Variants in SEPTIN14 observed in about 807,000 individuals in gnomAD.
The protein encoded by SEPTIN14 is septin 14, also known as septin-14.
Under a neutral mutation model 53.6 loss-of-function variants are expected in SEPTIN14, and 40 were observed. That is an observed-to-expected ratio of 0.75 (90% CI 0.58 to 0.97). The LOEUF (loss-of-function observed/expected upper bound fraction) is 0.97. Ranked by LOEUF, SEPTIN14 falls within the 50% of genes least tolerant of loss-of-function variation. The pLI is 0.00. For synonymous variants in SEPTIN14, 138 were observed against 166.8 expected (o/e 0.83, Z 1.33); for missense variants, 471 against 508.2 (o/e 0.93, Z 0.70).
chr7:55,855,903 A>G (rs922194959), intron 2 of SEPTIN14, among the ~76,000 whole-genome samples: 12 of 151,910 alleles, frequency 7.9e-5, no homozygotes, highest in African/African-American at 2.7e-4. Flanking sequence ...ATTTGTCCTT[A>G]TTTGGAAATC....
At chr7:55,798,510 C>T (rs73130796) in intron 9 of SEPTIN14, 66,976 of 305,282 alleles carry the variant, frequency 0.22, 8,126 homozygotes, top group Non-Finnish European at 0.25. Context: ...CCTCTACCAC[C>T]CAAATGATGT....
intron 6 of SEPTIN14, among the ~76,000 whole-genome samples, chr7:55,823,957 C>A (rs1011597836): frequency 6.6e-6 from 1 of 150,792 alleles, no homozygotes; most frequent in African/African-American, 2.4e-5. Context: ...GTGGTGCAAT[C>A]CTGGCTCACT....
At position 55,854,651 on chromosome 7, in the gene SEPTIN14, A is replaced by G. The variant is rs543824419; in HGVS notation, c.54+7292T>C. 1.3e-4 allele frequency among the ~76,000 whole-genome samples: 20 copies of G among 152,150 alleles called. No homozygotes were observed. In the South Asian group the frequency reaches 3.3e-3, roughly 25 times the overall value. On this transcript the variant is annotated intron_variant, in intron 2 of 9. Transcript: ENST00000388975. ...CACCATGTTAGCCAGGATGGTCTCA[A>G]TCTCCTGACCTTGTGATCCGCCCAC... is the stretch of plus-strand genomic sequence containing the variant.
intron 6 of SEPTIN14, among the ~76,000 whole-genome samples, chr7:55,826,742 A>G (rs902429096): frequency 1.3e-5 from 2 of 151,446 alleles, no homozygotes; most frequent in Non-Finnish European, 2.9e-5. Flanking sequence ...GGTTGCAGTG[A>G]GCCGAGGCCA....
chr7:55,817,768 C>A lies in SEPTIN14; in HGVS notation c.817+1359G>T, dbSNP rs538677255. Among the ~76,000 whole-genome samples the A allele has an allele frequency of 1.2e-3, 189 of 152,128 alleles. 1 individual carries two copies. Among genetic ancestry groups the A allele is most frequent in the African/African-American group, 4.3e-3 (179 of 41,530 alleles). ...TACAGGCGTGAGCCACTGCGCCCGG[C>A]CAATATTTTATATTCTTGAAAATTG... On this transcript the variant is annotated intron_variant, in intron 7 of 9. Transcript: ENST00000388975.
intron 2 of SEPTIN14, among the ~76,000 whole-genome samples, chr7:55,854,729 G>A (rs1283253763): frequency 1.3e-5 from 2 of 152,098 alleles, no homozygotes; most frequent in Non-Finnish European, 2.9e-5. Flanking sequence ...CACCCGGCCT[G>A]TACTGGAGGT....
chr7:55,830,349 A>ATTT lies in SEPTIN14; in HGVS notation c.720+4073_720+4075dup, dbSNP rs1216458496. On this transcript the variant is annotated intron_variant, in intron 6 of 9. Coordinates refer to ENST00000388975, the MANE Select transcript of SEPTIN14 (RefSeq NM_207366.3). ...TATATATATATATATATATATATAT[A>ATTT]TTTTTTTTTTTTTTTGAGACGGAGT... Among the ~76,000 whole-genome samples, 156 of 56,812 alleles carry ATTT rather than the reference A, an allele frequency of 2.7e-3. 7 individuals are homozygous for ATTT. The highest frequency in any genetic ancestry group is 0.011 in the South Asian group (16 of 1,434). The allele number at this position is 56,812 out of a possible 152,430, so 37.3% of individuals were successfully genotyped here.
Position 55,796,324 on chromosome 7 carries a change from C to T in SEPTIN14, c.1120-232G>A, listed in dbSNP as rs1054801555. Among the ~76,000 whole-genome samples the T allele has an allele frequency of 3.3e-5, 5 of 151,962 alleles. No individual in the cohort carries two copies. The South Asian group carries it at 6.2e-4, about 19-fold the overall frequency. ...TGCTGCCCAGGCTGGAGTGCAGTGG[C>T]GCGATCTCAGCTCACTGCAACCTCC... On this transcript the variant is annotated intron_variant, in intron 9 of 9. Transcript: ENST00000388975.
chr7:55,811,493 G>GTTT, intron 7 of SEPTIN14: 3 of 237,178 alleles, frequency 1.3e-5, no homozygotes, highest in East Asian at 1.3e-4. Context: ...AAGTTTTACA[G>GTTT]TTCTTTTTTT....
chr7:55,816,642 C>CA (rs763100495), intron 7 of SEPTIN14, among the ~76,000 whole-genome samples: 1,665 of 119,484 alleles, frequency 0.014, 16 homozygotes, highest in African/African-American at 0.031. Flanking sequence ...ACTAAAAATA[C>CA]AAAAAAAAAA....
chr7:55,827,394 C>T (rs1222073354), intron 6 of SEPTIN14, among the ~76,000 whole-genome samples: 3 of 152,156 alleles, frequency 2.0e-5, no homozygotes, highest in Non-Finnish European at 4.4e-5. Context: ...TTCAATGGCT[C>T]TTGGCTACGT....
intron 9 of SEPTIN14, among the ~76,000 whole-genome samples, chr7:55,803,051 C>T (rs747329238): frequency 3.3e-5 from 5 of 151,890 alleles, no homozygotes; most frequent in Admixed American, 6.6e-5. Context: ...GATTCTCCTA[C>T]CTCAGCCTCC....
chr7:55,815,101 A>G (rs1235809479), intron 7 of SEPTIN14, among the ~76,000 whole-genome samples: 1 of 152,218 alleles, frequency 6.6e-6, no homozygotes, highest in Non-Finnish European at 1.5e-5. Context: ...TGCAGAAGAA[A>G]GAAACTAGAC....
chr7:55,811,601 A>T lies in SEPTIN14; in HGVS notation c.818-4343T>A, dbSNP rs182967853. ...ACTGCAACCTCCGCCTCCCAGGTTCAAGTGATTCTCCTGCCTCAGCCCCCC... is the reference window on the plus strand; with the variant it reads ...ACTGCAACCTCCGCCTCCCAGGTTCTAGTGATTCTCCTGCCTCAGCCCCCC... On this transcript the variant is annotated intron_variant, in intron 7 of 9. Coordinates refer to ENST00000388975, the MANE Select transcript of SEPTIN14 (RefSeq NM_207366.3). Among the ~76,000 whole-genome samples the T allele has an allele frequency of 2.2e-4, 32 of 145,726 alleles. No homozygotes were observed. In the East Asian group the frequency reaches 6.5e-3, roughly 30 times the overall value.
In SEPTIN14 at chr7:55,858,559, C is replaced by T. The variant is rs1051628043; in HGVS notation, c.54+3384G>A. On this transcript the variant is annotated intron_variant, in intron 2 of 9. Transcript: ENST00000388975. The stretch of plus-strand genomic sequence containing the variant: ...GTGGCTCATGCCTGTAATCCCAGCA[C>T]TTTGGGAGGCAGAGGCGAGCAGATC... 7.2e-5 allele frequency among the ~76,000 whole-genome samples: 11 copies of T among 152,288 alleles called. 1 individual carries two copies. In the South Asian group the frequency reaches 2.3e-3, roughly 32 times the overall value.
At chr7:55,809,545 C>T (rs956281134) in intron 7 of SEPTIN14, among the ~76,000 whole-genome samples, 5 of 151,094 alleles carry the variant, frequency 3.3e-5, no homozygotes, top group Admixed American at 1.3e-4. Flanking sequence ...TTAGTAGAGA[C>T]GGGGTTTTGC....
At chr7:55,801,749 ATCT>A (rs1162353361) in intron 9 of SEPTIN14, among the ~76,000 whole-genome samples, 1 of 151,706 alleles carries the variant, frequency 6.6e-6, no homozygotes, top group Non-Finnish European at 1.5e-5. Flanking sequence ...GTGAGACCCC[ATCT>A]CTACTAAAAG....
At chr7:55,843,367 G>C (rs942134244) in intron 4 of SEPTIN14, among the ~76,000 whole-genome samples, 1 of 152,142 alleles carries the variant, frequency 6.6e-6, no homozygotes, top group African/African-American at 2.4e-5. Context: ...CAGGGGACTA[G>C]TATCCAGAAT....
chr7:55,803,842 A>C (rs1187538685), intron 9 of SEPTIN14, among the ~76,000 whole-genome samples: 1 of 151,794 alleles, frequency 6.6e-6, no homozygotes, highest in Non-Finnish European at 1.5e-5. Context: ...AGTCTTCATG[A>C]GGCCAGGCGC....
Sources: gnomAD v4.1 joint callset for allele counts (sites outside exome capture counted in the v4.1 genomes callset) on GRCh38, gnomAD v4.1.1 for gene constraint, MANE v1.5 for transcripts, NCBI Gene and HGNC (gene_info 2026-07-23, HGNC 2026-07-21) for gene names.